Variants in CCDC192 observed in about 807,000 individuals in gnomAD.
CCDC192 encodes the protein coiled-coil domain containing 192.
At chr5:127,751,935 G>A (rs1439783213) in intron 2 of CCDC192, among the ~76,000 whole-genome samples, 2 of 151,654 alleles carry the variant, frequency 1.3e-5, no homozygotes, top group African/African-American at 2.4e-5. Flanking sequence ...CATTCTTCAC[G>A]TAGTTCTCGA....
At chr5:127,791,339 C>T (rs1035854198) in intron 3 of CCDC192, among the ~76,000 whole-genome samples, 1 of 152,242 alleles carries the variant, frequency 6.6e-6, no homozygotes, top group Admixed American at 6.5e-5. Context: ...CATATTGTTG[C>T]AGTCAAGAAA....
chr5:127,887,691 T>C (rs1412681793), intron 6 of CCDC192, among the ~76,000 whole-genome samples: 1 of 151,960 alleles, frequency 6.6e-6, no homozygotes, highest in Non-Finnish European at 1.5e-5. Flanking sequence ...AATTAATTCA[T>C]AATTTTTATT....
At chr5:127,851,187 T>G (rs1204310331) in intron 5 of CCDC192, among the ~76,000 whole-genome samples, 1 of 152,172 alleles carries the variant, frequency 6.6e-6, no homozygotes, top group Non-Finnish European at 1.5e-5. Flanking sequence ...AGTAAATTAT[T>G]TTTATTAAAT....
At chr5:127,732,533 T>C (rs552366283) in intron 2 of CCDC192, among the ~76,000 whole-genome samples, 2 of 152,158 alleles carry the variant, frequency 1.3e-5, no homozygotes, top group South Asian at 4.2e-4. Flanking sequence ...ATTATAAAGA[T>C]ATATGCACGC....
intron 6 of CCDC192, among the ~76,000 whole-genome samples, chr5:127,910,759 C>T (rs573972788): frequency 6.6e-6 from 1 of 152,126 alleles, no homozygotes; most frequent in East Asian, 1.9e-4. Flanking sequence ...TTCACATGAC[C>T]CCATACACAG....
At chr5:127,880,133 C>A (rs905545539) in intron 6 of CCDC192, among the ~76,000 whole-genome samples, 6 of 151,474 alleles carry the variant, frequency 4.0e-5, no homozygotes, top group Non-Finnish European at 8.8e-5. Context: ...AATCATGCTG[C>A]TATAAAGACA....
chr5:127,753,984 C>G (rs1297058020), intron 2 of CCDC192, among the ~76,000 whole-genome samples: 1 of 152,158 alleles, frequency 6.6e-6, no homozygotes, highest in East Asian at 1.9e-4. Flanking sequence ...ATAAAAGTTT[C>G]AAAGTAGTCA....
At chr5:127,731,733 A>G (rs1752651343) in intron 2 of CCDC192, among the ~76,000 whole-genome samples, 2 of 152,186 alleles carry the variant, frequency 1.3e-5, no homozygotes, top group African/African-American at 4.8e-5. Context: ...TCTTTGACAA[A>G]CCTGACAAAA....
At chr5:127,794,328 A>G (rs1490647976) in intron 3 of CCDC192, among the ~76,000 whole-genome samples, 1 of 152,224 alleles carries the variant, frequency 6.6e-6, no homozygotes, top group African/African-American at 2.4e-5. Flanking sequence ...CTTGAACTCC[A>G]GAACTTACTT....
intron 3 of CCDC192, among the ~76,000 whole-genome samples, chr5:127,769,558 T>A (rs1260467744): frequency 2.0e-5 from 3 of 151,446 alleles, no homozygotes; most frequent in African/African-American, 7.3e-5. Flanking sequence ...CAGAGAGGAG[T>A]GCCCAGAAAC....
At chr5:127,927,061 C>T (rs1354464443) in intron 6 of CCDC192, among the ~76,000 whole-genome samples, 4 of 152,008 alleles carry the variant, frequency 2.6e-5, no homozygotes, top group Non-Finnish European at 4.4e-5. Context: ...CTCAGTAAGA[C>T]CAAGTTTAGT....
chr5:127,852,044 A>G (rs1750819567), intron 5 of CCDC192, among the ~76,000 whole-genome samples: 1 of 152,202 alleles, frequency 6.6e-6, no homozygotes, highest in Admixed American at 6.5e-5. Flanking sequence ...AAATGTGAAC[A>G]CTAGTTTTAT....
intron 3 of CCDC192, among the ~76,000 whole-genome samples, chr5:127,763,173 A>T (rs1476223129): frequency 6.6e-6 from 1 of 151,976 alleles, no homozygotes; most frequent in Non-Finnish European, 1.5e-5. Flanking sequence ...TGTATACTGA[A>T]CAGCTCCACC....
chr5:127,895,743 G>A (rs575474249), intron 6 of CCDC192, among the ~76,000 whole-genome samples: 2 of 152,162 alleles, frequency 1.3e-5, no homozygotes, highest in Admixed American at 6.5e-5. Flanking sequence ...AGGAGGCTGA[G>A]GTGGGGGTAT....
chr5:127,857,041 T>A (rs762072174), intron 5 of CCDC192, among the ~76,000 whole-genome samples: 78 of 152,150 alleles, frequency 5.1e-4, no homozygotes, highest in Admixed American at 7.9e-4. Context: ...GTGAAAAATG[T>A]GTTGTCTGAG....
chr5:127,718,106 G>A lies in CCDC192; in HGVS notation c.114+10346G>A, dbSNP rs530260128. Among the ~76,000 whole-genome samples, 15 of 152,126 alleles carry A rather than the reference G, an allele frequency of 9.9e-5. No individual in the cohort carries two copies. In the South Asian group the frequency reaches 2.9e-3, roughly 29 times the overall value. On this transcript the variant is annotated intron_variant, in intron 2 of 6. Coordinates refer to ENST00000514853, the MANE Select transcript of CCDC192 (RefSeq NM_001317938.2). ...TTAAAATGAGGTTGGCCAAATATCT[G>A]GGAAGTGTCCTTTAGAAAATGATCC...
chr5:127,900,398 A>T (rs1361443628), intron 6 of CCDC192, among the ~76,000 whole-genome samples: 1 of 152,184 alleles, frequency 6.6e-6, no homozygotes, highest in Non-Finnish European at 1.5e-5. Flanking sequence ...AGGATATAGG[A>T]TGAGATTCCA....
chr5:127,855,691 A>T (rs1304452837), intron 5 of CCDC192, among the ~76,000 whole-genome samples: 4 of 152,214 alleles, frequency 2.6e-5, no homozygotes, highest in Non-Finnish European at 4.4e-5. Context: ...GAAAGTCAAA[A>T]TTATTTCTTG....
At chr5:127,879,623 A>G (rs1752263894) in intron 6 of CCDC192, among the ~76,000 whole-genome samples, 4 of 54,320 alleles carry the variant, frequency 7.4e-5, no homozygotes, top group African/African-American at 2.2e-4. Flanking sequence ...TGCACAGCAA[A>G]AGAAACTACC....
Sources: gnomAD v4.1 joint callset for allele counts (sites outside exome capture counted in the v4.1 genomes callset) on GRCh38, gnomAD v4.1.1 for gene constraint, MANE v1.5 for transcripts, NCBI Gene and HGNC (gene_info 2026-07-23, HGNC 2026-07-21) for gene names.